The following TBC1D5 variants were observed in gnomAD, a reference collection of about 807,000 sequenced individuals.
TBC1D5 encodes the protein TBC1 domain family, member 5.
TBC1D5 carries 75 observed loss-of-function variants against 100.3 expected under a neutral mutation model. That is an observed-to-expected ratio of 0.75 (90% CI 0.62 to 0.91). The LOEUF is 0.91. Among genes scored for constraint, TBC1D5 ranks in the 40% least tolerant of loss-of-function variants. TBC1D5 has a pLI of 0.00. For missense variants in TBC1D5, 910 were observed against 942.4 expected, an observed-to-expected ratio of 0.97 and a Z score of 0.45; for synonymous variants, 323 against 325.6, an observed-to-expected ratio of 0.99 and a Z score of 0.09.
chr3:17,475,926 A>G (rs1000338032), intron 3 of TBC1D5, among the ~76,000 whole-genome samples: 1 of 152,106 alleles, frequency 6.6e-6, no homozygotes, highest in Non-Finnish European at 1.5e-5. Context: ...ACTCACATTA[A>G]TTGATTTTTG....
chr3:17,586,872 G>A (rs909647637), intron 2 of TBC1D5, among the ~76,000 whole-genome samples: 2 of 151,834 alleles, frequency 1.3e-5, no homozygotes, highest in Non-Finnish European at 2.9e-5. Context: ...ATTTAACTTT[G>A]CACTGAAATG....
intron 2 of TBC1D5, among the ~76,000 whole-genome samples, chr3:17,516,318 A>C (rs2095986847): frequency 6.6e-6 from 1 of 152,150 alleles, no homozygotes; most frequent in African/African-American, 2.4e-5. Context: ...CTCTATTTAT[A>C]GCAAGTGCTA....
intron 17 of TBC1D5, among the ~76,000 whole-genome samples, chr3:17,223,551 GA>G (rs1196796978): frequency 4.6e-4 from 70 of 152,234 alleles, no homozygotes; most frequent in African/African-American, 1.6e-3. Context: ...GTTAAACCCA[GA>G]TTTGTCCAAA....
chr3:17,384,329 G>GT (rs947874374), intron 8 of TBC1D5, among the ~76,000 whole-genome samples: 26 of 151,848 alleles, frequency 1.7e-4, no homozygotes, highest in African/African-American at 5.6e-4. Context: ...GAGTTGCTTT[G>GT]TTTTAGCCCA....
intron 1 of TBC1D5, among the ~76,000 whole-genome samples, chr3:17,644,973 G>A (rs1156754065): frequency 6.6e-6 from 1 of 152,064 alleles, no homozygotes; most frequent in Admixed American, 6.6e-5. Context: ...CTAAAGCATG[G>A]CCATGAGCAA....
intron 13 of TBC1D5, among the ~76,000 whole-genome samples, chr3:17,343,450 C>T (rs1222638839): frequency 3.3e-5 from 5 of 149,608 alleles, no homozygotes; most frequent in African/African-American, 7.4e-5. Context: ...TGTCTCTGCC[C>T]GGCTTTGGTA....
At chr3:17,297,461 A>G (rs1160290317) in intron 14 of TBC1D5, among the ~76,000 whole-genome samples, 1 of 152,022 alleles carries the variant, frequency 6.6e-6, no homozygotes, top group Non-Finnish European at 1.5e-5. Flanking sequence ...CTGTAATCCC[A>G]GCTACTCGGG....
intron 2 of TBC1D5, among the ~76,000 whole-genome samples, chr3:17,557,193 A>G (rs2096527756): frequency 6.6e-6 from 1 of 152,234 alleles, no homozygotes; most frequent in African/African-American, 2.4e-5. Flanking sequence ...AATTGATCAT[A>G]ATAAAAATTA....
chr3:17,391,742 G>GA (rs879523717), intron 8 of TBC1D5, among the ~76,000 whole-genome samples: 16 of 150,430 alleles, frequency 1.1e-4, no homozygotes, highest in African/African-American at 3.4e-4. Flanking sequence ...AAACATTACA[G>GA]AAAAAAAAAT....
chr3:17,471,612 A>T (rs1314555358), intron 3 of TBC1D5, among the ~76,000 whole-genome samples: 1 of 120,666 alleles, frequency 8.3e-6, no homozygotes, highest in Admixed American at 7.9e-5. Context: ...CGGAGCTTGC[A>T]GTGAGCCGAG....
chr3:17,527,105 A>G (rs966705580), intron 2 of TBC1D5, among the ~76,000 whole-genome samples: 6 of 152,220 alleles, frequency 3.9e-5, no homozygotes, highest in Non-Finnish European at 8.8e-5. Context: ...ACAGTAAGAC[A>G]AGGATAAAGA....
chr3:17,632,090 C>T (rs1343409917), intron 1 of TBC1D5, among the ~76,000 whole-genome samples: 1 of 152,132 alleles, frequency 6.6e-6, no homozygotes, highest in Non-Finnish European at 1.5e-5. Context: ...CATTCTAAAT[C>T]CCACAAAAAA....
intron 1 of TBC1D5, among the ~76,000 whole-genome samples, chr3:17,724,894 C>G (rs531955176): frequency 2.6e-5 from 4 of 152,172 alleles, no homozygotes; most frequent in Admixed American, 1.3e-4. Context: ...TTGTGTATCT[C>G]TTTCTTTAGT....
At chr3:17,191,311 T>C (rs2069860432) in intron 18 of TBC1D5, among the ~76,000 whole-genome samples, 1 of 152,338 alleles carries the variant, frequency 6.6e-6, no homozygotes, top group South Asian at 2.1e-4. Flanking sequence ...CTCATGTGCT[T>C]GTTGGAGGAC....
At chr3:17,396,871 A>C (rs529115215) in intron 8 of TBC1D5, among the ~76,000 whole-genome samples, 1 of 152,116 alleles carries the variant, frequency 6.6e-6, no homozygotes, top group Non-Finnish European at 1.5e-5. Context: ...AAAATAAAAC[A>C]ATAATGAATT....
rs1222652700 is a variant in TBC1D5, at chr3:17,380,732, C to G, written c.612+3181G>C. Among the ~76,000 whole-genome samples the G allele has an allele frequency of 5.3e-5, 8 of 152,054 alleles. No homozygotes were observed. In the South Asian group the frequency reaches 1.4e-3, roughly 28 times the overall value. On this transcript the variant is annotated intron_variant, in intron 9 of 21. Coordinates refer to ENST00000253692, the Ensembl canonical transcript of TBC1D5. Reference sequence around the variant, plus strand: ...CACAAAATTGAACCTGTTCTTTTATCTGCCTGTGTTCATTTAGCCCACCAA... The same window carrying G: ...CACAAAATTGAACCTGTTCTTTTATGTGCCTGTGTTCATTTAGCCCACCAA...
At chr3:17,332,144 G>C (rs1352567314) in intron 13 of TBC1D5, among the ~76,000 whole-genome samples, 1 of 152,188 alleles carries the variant, frequency 6.6e-6, no homozygotes, top group Non-Finnish European at 1.5e-5. Context: ...TCCGATAAGA[G>C]ATAGGCCTAC....
At chr3:17,714,986 A>C (rs564808129) in intron 1 of TBC1D5, among the ~76,000 whole-genome samples, 20 of 152,308 alleles carry the variant, frequency 1.3e-4, no homozygotes, top group East Asian at 1.2e-3. Flanking sequence ...ACTAGACTTA[A>C]ATGTGCAAAG....
At chr3:17,519,994 T>C (rs2096045481) in intron 2 of TBC1D5, among the ~76,000 whole-genome samples, 1 of 152,184 alleles carries the variant, frequency 6.6e-6, no homozygotes, top group African/African-American at 2.4e-5. Flanking sequence ...TGGTGAAAAT[T>C]ACCACCATGA....
Sources: allele counts gnomAD v4.1 joint callset (sites outside exome capture counted in the v4.1 genomes callset), GRCh38; gene constraint gnomAD v4.1.1; transcripts MANE v1.5; gene names NCBI Gene and HGNC (gene_info 2026-07-23, HGNC 2026-07-21).